The following TYK2 variants were observed in gnomAD, a reference collection of about 807,000 sequenced individuals.
TYK2 encodes the protein non-receptor tyrosine-protein kinase TYK2.
In TYK2, 65 loss-of-function variants were observed where a neutral mutation model predicts 130.9. The observed-to-expected ratio is 0.50, with a 90% CI of 0.41 to 0.61. TYK2 has a LOEUF of 0.61. Ranked by LOEUF, TYK2 falls within the 20% of genes least tolerant of loss-of-function variation. TYK2 has a pLI of 0.00. For missense variants in TYK2, 1,378 were observed against 1,610.7 expected, an observed-to-expected ratio of 0.86 and a Z score of 2.47; for synonymous variants, 647 against 658.9, an observed-to-expected ratio of 0.98 and a Z score of 0.28.
chr19:10,356,301 C>T (rs2041095383), intron 18 of TYK2, among the ~76,000 whole-genome samples: 1 of 152,124 alleles, frequency 6.6e-6, no homozygotes, highest in African/African-American at 2.4e-5. Flanking sequence ...ATTGCTTGAA[C>T]CTGGGAGGTG....
At chr19:10,375,579 T>C (rs1449363767) in intron 3 of TYK2, among the ~76,000 whole-genome samples, 1 of 150,386 alleles carries the variant, frequency 6.6e-6, no homozygotes, top group African/African-American at 2.5e-5. Flanking sequence ...GTCACACCAC[T>C]GCACTCCAGC....
intron 2 of TYK2, among the ~76,000 whole-genome samples, chr19:10,379,389 G>A (rs961597251): frequency 1.1e-4 from 17 of 150,182 alleles, no homozygotes; most frequent in Admixed American, 9.3e-4. Flanking sequence ...AGGGCCAGGC[G>A]CGGTGGCTCA....
At position 10,354,707 on chromosome 19, in the gene TYK2, C is replaced by T. The variant is rs571192470; in HGVS notation, c.2618-98G>A. On this transcript the variant is annotated intron_variant, in intron 18 of 24. Transcript: ENST00000525621. The stretch of plus-strand genomic sequence containing the variant: ...AGCCAGCCACAGCTACCCCAGGATC[C>T]GATTCTAGAGGTAAGAAAACTTTTT... The T allele has an allele frequency of 5.6e-5, 56 of 1,004,274 alleles. No homozygotes were observed. In the East Asian group the frequency reaches 1.2e-3, roughly 22 times the overall value. 62.2% of individuals were successfully genotyped at this position (1,004,274 alleles called of 1,614,324 possible). A position where few individuals can be genotyped will look rare whatever the true frequency, so the allele number is the denominator to read the frequency against.
Position 10,353,509 on chromosome 19 carries a change from AG to A in TYK2, c.3027+18del. On this transcript the variant is annotated intron_variant, in intron 21 of 24. Transcript: ENST00000525621. The surrounding 1 kb of genome is among the most constrained non-coding windows in gnomAD (Gnocchi z 6.9). The stretch of plus-strand genomic sequence containing the variant: ...AGAGGAAGGGGCAAGCTCCAGAAGC[AG>A]GGGCGGGGCCGACCAACCTCGCAGA... 2 of 1,477,918 alleles carry A rather than the reference AG, an allele frequency of 1.4e-6. No individual in the cohort carries two copies. The highest frequency in any genetic ancestry group is 1.8e-6 in the Non-Finnish European group (2 of 1,105,992). 91.6% of individuals were successfully genotyped at this position (1,477,918 alleles called of 1,614,324 possible).
At chr19:10,377,571 G>GATC (rs2042185179) in intron 3 of TYK2, among the ~76,000 whole-genome samples, 3 of 114,938 alleles carry the variant, frequency 2.6e-5, no homozygotes, top group Non-Finnish European at 5.5e-5. Flanking sequence ...TGGATGGGTG[G>GATC]GTGGGTGGAT....
intron 15 of TYK2, among the ~76,000 whole-genome samples, 156 bp from the exon 16 acceptor site, chr19:10,358,294 GTTTTTTTTTT>G (rs770531180): frequency 1.1e-5 from 1 of 91,442 alleles, no homozygotes; most frequent in African/African-American, 4.4e-5. Context: ...TTTTTTTCTT[GTTTTTTTTTT>G]TTTTTTTTTT....
rs112915394 is a variant in TYK2, at chr19:10,353,874, G to A, written c.2908+168C>T. On this transcript the variant is annotated intron_variant, in intron 20 of 24. Coordinates refer to ENST00000525621, the MANE Select transcript of TYK2 (RefSeq NM_003331.5). This position sits in a 1 kb window ranked among gnomAD's most constrained non-coding sequence, Gnocchi z 6.9. ...CCCCAGCAGGTAGCACCCCCCAGAT[G>A]GGAAGGAGGCAGCCCAGCCACGCTC... The A allele has an allele frequency of 6.5e-4, 515 of 787,978 alleles. 3 individuals are homozygous for A. The African/African-American group carries it at 8.2e-3, about 13-fold the overall frequency. The allele number at this position is 787,978 out of a possible 1,614,324, so 48.8% of individuals were successfully genotyped here. A position where few individuals can be genotyped will look rare whatever the true frequency, so the allele number is the denominator to read the frequency against.
Position 10,352,414 on chromosome 19 carries a change from G to A in TYK2, c.3318+20C>T. The A allele has an allele frequency of 6.6e-7, 1 of 1,513,122 alleles. No homozygotes were observed. Among genetic ancestry groups the A allele is most frequent in the Non-Finnish European group, 9.2e-7 (1 of 1,088,380 alleles). 93.7% of individuals were successfully genotyped at this position (1,513,122 alleles called of 1,614,324 possible). Reference sequence around the variant, plus strand: ...ATTGCTCTAGCAAACTCCCGGTGGGGCTGCGGGCCTGGCTCTCACCGTGGG... The same window carrying A: ...ATTGCTCTAGCAAACTCCCGGTGGGACTGCGGGCCTGGCTCTCACCGTGGG... On this transcript the variant is annotated intron_variant, in intron 23 of 24. Coordinates refer to ENST00000525621, the MANE Select transcript of TYK2 (RefSeq NM_003331.5).
In TYK2 at chr19:10,366,534, G is replaced by A. The variant is rs756721201; in HGVS notation, c.512C>T (p.Ser171Leu). ...VNDVASLWELSTEEEIHHFKN... is the reference protein window; with the variant it reads ...VNDVASLWELLTEEEIHHFKN... ...AAAGTGGTGGATCTCCTCCTCGGTC[G>A]ACAGCTCCCACAGTGATGCCACGTC... Residue 171 changes from serine to leucine, a missense_variant, in exon 6 of 25, where the codon TCG becomes TTG. Coordinates refer to ENST00000525621, the MANE Select transcript of TYK2 (RefSeq NM_003331.5). The A allele has an allele frequency of 1.1e-5, 18 of 1,613,942 alleles. No individual in the cohort carries two copies. Among genetic ancestry groups the A allele is most frequent in the East Asian group, 4.5e-5 (2 of 44,870 alleles).
chr19:10,363,591 G>A (rs958115270), intron 9 of TYK2, among the ~76,000 whole-genome samples: 5 of 152,062 alleles, frequency 3.3e-5, no homozygotes, highest in Non-Finnish European at 5.9e-5. Context: ...CATGACCATC[G>A]CCACTCACAA....
intron 17 of TYK2, 26 bp downstream of exon 17, chr19:10,357,738 A>T (rs1165968986): frequency 3.8e-6 from 6 of 1,585,352 alleles, no homozygotes; most frequent in Non-Finnish European, 5.1e-6. Context: ...CACTGCGGGG[A>T]GGGCCCAAGG....
At chr19:10,360,354 G>A (rs939319708) in intron 14 of TYK2, among the ~76,000 whole-genome samples, 2 of 151,840 alleles carry the variant, frequency 1.3e-5, no homozygotes, top group African/African-American at 2.4e-5. Context: ...AAAATCAGCC[G>A]GGTGTGATAG....
intron 3 of TYK2, among the ~76,000 whole-genome samples, chr19:10,377,597 T>C (rs899377645): frequency 1.3e-5 from 1 of 76,776 alleles, no homozygotes. Flanking sequence ...GATGGATGAA[T>C]GGATGGATGG....
Position 10,364,905 on chromosome 19 carries a change from G to C in TYK2, c.1155C>G (p.His385Gln), listed in dbSNP as rs202170617. 6.8e-6 allele frequency: 11 copies of C among 1,614,080 alleles called. No individual in the cohort carries two copies. Among genetic ancestry groups the C allele is most frequent in the Non-Finnish European group, 9.3e-6 (11 of 1,180,052 alleles). ...AYFCDFRDITHVVLKEHCVSI... is the reference protein window; with the variant it reads ...AYFCDFRDITQVVLKEHCVSI... Reference sequence around the variant, plus strand: ...TGACACAGTGCTCTTTCAGCACCACGTGGGTGATGTCCCGGAAGTCACAGA... The same window carrying C: ...TGACACAGTGCTCTTTCAGCACCACCTGGGTGATGTCCCGGAAGTCACAGA... The change falls in exon 8 of 25, where the codon CAC becomes CAG. Residue 385 changes from histidine (H) to glutamine (Q), a missense_variant. Transcript: ENST00000525621. The surrounding 1 kb of genome is among the most constrained non-coding windows in gnomAD (Gnocchi z 4.9).
chr19:10,374,954 C>T (rs985165858), intron 3 of TYK2, among the ~76,000 whole-genome samples: 4 of 151,374 alleles, frequency 2.6e-5, no homozygotes, highest in Non-Finnish European at 4.4e-5. Context: ...GAAGCCAAGG[C>T]GGGTGGATGG....
chr19:10,356,657 G>A lies in TYK2; in HGVS notation c.2528C>T (p.Thr843Ile), dbSNP rs914166364. The A allele has an allele frequency of 1.9e-6, 3 of 1,612,800 alleles. No individual in the cohort carries two copies. The highest frequency in any genetic ancestry group is 1.7e-5 in the Admixed American group (1 of 59,836). ...ATAGGTCAGACACTGGCTGGTGAGT[G>A]TGGCCAGCTGTGGGCAGGAGGGCTC... is the stretch of plus-strand genomic sequence containing the variant. ...LPEPSCPQLA[T>I]LTSQCLTYEP... Residue 843 changes from threonine to isoleucine, a missense_variant, in exon 18 of 25, where the codon ACA (threonine) becomes ATA (isoleucine). Thr to Ile is a moderately conservative substitution (Grantham distance 89, BLOSUM62 -1). Transcript: ENST00000525621.
rs12720251 is a variant in TYK2, at chr19:10,368,969, C to T, written c.194-551G>A. On this transcript the variant is annotated intron_variant, in intron 3 of 24. Coordinates refer to ENST00000525621, the MANE Select transcript of TYK2 (RefSeq NM_003331.5). ...GATTACAGGTGTGCGCCACCAACCC[C>T]GGCTAGTTTTTGTATTTTTAGAAGA... 4.4e-3 allele frequency among the ~76,000 whole-genome samples: 675 copies of T among 152,106 alleles called. 7 individuals are homozygous for T. The highest frequency in any genetic ancestry group is 0.016 in the African/African-American group (649 of 41,486).
Position 10,353,075 on chromosome 19 carries a change from C to T in TYK2, c.3051G>A (p.Gln1017=). ...CGGCTAGGTCTCGGTGGATGTAGTG[C>T]TGCGCGTGCAGATAGGCCATGCCCT... ...ICEGMAYLHA[Q]HYIHRDLAAR... Residue 1017 remains glutamine (Q), a synonymous_variant, in exon 22 of 25, where the codon CAG becomes CAA. Coordinates refer to ENST00000525621, the MANE Select transcript of TYK2 (RefSeq NM_003331.5). This position sits in a 1 kb window ranked among gnomAD's most constrained non-coding sequence, Gnocchi z 6.9. 6.4e-7 allele frequency: 1 copy of T among 1,560,838 alleles called. No homozygotes were observed. The highest frequency in any genetic ancestry group is 1.1e-5 in the South Asian group (1 of 86,994).
chr19:10,355,490 A>C (rs2145166569), intron 18 of TYK2, among the ~76,000 whole-genome samples: 1 of 151,800 alleles, frequency 6.6e-6, no homozygotes, highest in South Asian at 2.1e-4. Flanking sequence ...AAATACAAAA[A>C]TTAGCTGGGT....
Sources: allele counts gnomAD v4.1 joint callset (sites outside exome capture counted in the v4.1 genomes callset), GRCh38; gene constraint gnomAD v4.1.1; non-coding constraint Gnocchi (gnomAD v3.1); transcripts MANE v1.5; gene names NCBI Gene and HGNC (gene_info 2026-07-23, HGNC 2026-07-21).